Variants in KALRN observed in about 807,000 individuals in gnomAD.
KALRN encodes kalirin.
A neutral mutation model predicts 353.7 loss-of-function variants in KALRN; 70 were observed. The ratio of observed to expected loss-of-function variants is 0.20; its 90% CI spans 0.16 to 0.24. The LOEUF is 0.24. Ranked by LOEUF, KALRN falls within the 10% of genes least tolerant of loss-of-function variation. KALRN has a pLI of 1.00. For synonymous variants in KALRN, 1,391 were observed against 1,434.8 expected, an observed-to-expected ratio of 0.97 and a Z score of 0.69; for missense variants, 2,791 against 3,756.7, an observed-to-expected ratio of 0.74 and a Z score of 6.72.
chr3:124,482,667 C>G, intron 27 of KALRN, 141 bp from the exon 28 acceptor site: 1 of 623,906 alleles, frequency 1.6e-6, no homozygotes, highest in Non-Finnish European at 2.9e-6. Context: ...CTCCCCTCTC[C>G]CTATGAAAGA....
Position 124,347,182 on chromosome 3 carries a change from A to T in KALRN, c.1687A>T (p.Ser563Cys). 6.2e-7 allele frequency: 1 copy of T among 1,613,954 alleles called. No individual in the cohort carries two copies. The highest frequency in any genetic ancestry group is 2.2e-5 in the East Asian group (1 of 44,852). Residue 563 changes from serine to cysteine, a missense_variant, in exon 10 of 60, where the codon AGC (serine) becomes TGC (cysteine). By Grantham distance (112) the Ser-to-Cys change is moderately radical (BLOSUM62 -1). Around this residue, in one of 11 missense-constraint regions of KALRN, gnomAD observed 15 missense variants for 54.6 expected, o/e 0.27. Transcript: ENST00000682506. ...WIENHGEAFL[S>C]KHTGVGKSLH... ...TGAAAACCATGGTGAGGCCTTTCTCAGCAAACACACTGGAGTTGGGAAGTC... is the reference window on the plus strand; with the variant it reads ...TGAAAACCATGGTGAGGCCTTTCTCTGCAAACACACTGGAGTTGGGAAGTC...
intron 1 of KALRN, among the ~76,000 whole-genome samples, chr3:124,159,080 T>C (rs1333382417): frequency 6.6e-6 from 1 of 152,110 alleles, no homozygotes; most frequent in Non-Finnish European, 1.5e-5. Context: ...TCTAGTCAGA[T>C]GGGGTCTTCT....
chr3:124,033,797 C>G lies in KALRN; in HGVS notation c.57C>G (p.Asp19Glu), dbSNP rs544117857. 1.1e-4 allele frequency among the ~76,000 whole-genome samples: 17 copies of G among 152,288 alleles called. No homozygotes were observed. The highest frequency in any genetic ancestry group is 8.3e-4 in the South Asian group (4 of 4,828). Residue 19 changes from aspartate (D) to glutamate (E), a missense_variant, in exon 1 of 60, where the codon GAC (aspartate) becomes GAG (glutamate). Coordinates refer to ENST00000682506, the MANE Select transcript of KALRN (RefSeq NM_001388419.1). This position sits in a 1 kb window ranked among gnomAD's most constrained non-coding sequence, Gnocchi z 6.2. ...EEGGAADSDV[D>E]AFFRTGSFRN... ...GAGGAGCAGCAGACTCGGACGTGGA[C>G]GCCTTTTTCCGGACAGGTAAGCCGG...
At chr3:124,079,373 GAA>G (rs2060422169) in intron 1 of KALRN, among the ~76,000 whole-genome samples, 1 of 152,214 alleles carries the variant, frequency 6.6e-6, no homozygotes, top group Non-Finnish European at 1.5e-5. Context: ...GAAAGATTAT[GAA>G]TGATACTTAC....
chr3:124,338,668 T>C (rs573862026), intron 9 of KALRN, among the ~76,000 whole-genome samples: 25 of 152,338 alleles, frequency 1.6e-4, no homozygotes, highest in African/African-American at 4.8e-4. Context: ...GGTCCAGAGC[T>C]GAGTTCAAGT....
chr3:124,505,034 C>T (rs370176980), intron 33 of KALRN: 20 of 469,924 alleles, frequency 4.3e-5, no homozygotes, highest in East Asian at 2.8e-4. Flanking sequence ...GAGAGCAAAG[C>T]TTGGAGCCTG....
At chr3:124,305,707 T>C (rs372782825) in intron 6 of KALRN, among the ~76,000 whole-genome samples, 1 of 136,748 alleles carries the variant, frequency 7.3e-6, no homozygotes, top group East Asian at 2.3e-4. Context: ...AGTGGGAATA[T>C]TTCAATAATC....
intron 3 of KALRN, among the ~76,000 whole-genome samples, chr3:124,240,602 C>G (rs532102050): frequency 6.6e-6 from 1 of 152,154 alleles, no homozygotes; most frequent in African/African-American, 2.4e-5. Flanking sequence ...TGACCCCACT[C>G]TCTTCCCATT....
intron 23 of KALRN, among the ~76,000 whole-genome samples, chr3:124,461,113 A>G (rs866036466): frequency 6.6e-6 from 1 of 152,378 alleles, no homozygotes; most frequent in East Asian, 1.9e-4. Context: ...CATATGGTCT[A>G]TAAACTAAAA....
chr3:124,656,840 G>T (rs1217815252), intron 39 of KALRN, among the ~76,000 whole-genome samples: 3 of 152,044 alleles, frequency 2.0e-5, no homozygotes, highest in African/African-American at 7.2e-5. Flanking sequence ...TTGTGGGGCT[G>T]GGGGGTGGAA....
chr3:124,328,969 TG>T (rs1311739980), intron 7 of KALRN, among the ~76,000 whole-genome samples: 1 of 152,236 alleles, frequency 6.6e-6, no homozygotes, highest in Non-Finnish European at 1.5e-5. Flanking sequence ...TGTCCTCATA[TG>T]GGCTGTTCTT....
Position 124,679,740 on chromosome 3 carries a change from T to C in KALRN, c.7377+223T>C, listed in dbSNP as rs1178675517. ...GATTTTTTTAAAAAACAAAAACTTG[T>C]TATCTTGAATGCTTGCTAAATATTT... is the stretch of plus-strand genomic sequence containing the variant. On this transcript the variant is annotated intron_variant, in intron 51 of 59. Transcript: ENST00000682506. 3 of 615,910 alleles carry C rather than the reference T, an allele frequency of 4.9e-6. No individual in the cohort carries two copies. In the African/African-American group the frequency reaches 5.5e-5, roughly 11 times the overall value. 38.2% of individuals were successfully genotyped at this position (615,910 alleles called of 1,614,324 possible).
intron 1 of KALRN, among the ~76,000 whole-genome samples, chr3:124,062,698 G>GA (rs1228011736): frequency 7.2e-5 from 11 of 152,256 alleles, no homozygotes; most frequent in African/African-American, 2.6e-4. Flanking sequence ...TGGTGCCTTA[G>GA]AAAAATGGAG....
At chr3:124,664,374 C>CGT (rs1219470582) in intron 45 of KALRN, among the ~76,000 whole-genome samples, 3 of 137,640 alleles carry the variant, frequency 2.2e-5, no homozygotes, top group Non-Finnish European at 4.5e-5. Flanking sequence ...TGTGTGTGCG[C>CGT]GCGCGCGCAT....
chr3:124,064,154 C>T (rs2042174136), intron 1 of KALRN, among the ~76,000 whole-genome samples: 1 of 152,078 alleles, frequency 6.6e-6, no homozygotes, highest in Admixed American at 6.5e-5. Flanking sequence ...GCAGGGGAGA[C>T]AACCAAGAAG....
intron 11 of KALRN, among the ~76,000 whole-genome samples, chr3:124,385,378 C>T (rs1011668944): frequency 6.6e-6 from 1 of 152,204 alleles, no homozygotes; most frequent in African/African-American, 2.4e-5. Context: ...CACAGACTCT[C>T]TTCCCACTAC....
At chr3:124,269,669 G>A (rs1192018772) in intron 5 of KALRN, among the ~76,000 whole-genome samples, 1 of 152,160 alleles carries the variant, frequency 6.6e-6, no homozygotes, top group African/African-American at 2.4e-5. Context: ...AAACAGTACT[G>A]TTAACAGCCA....
intron 2 of KALRN, among the ~76,000 whole-genome samples, chr3:124,228,891 C>T (rs1168087696): frequency 3.3e-5 from 5 of 150,898 alleles, no homozygotes; most frequent in Non-Finnish European, 7.5e-5. Context: ...GCTGACATTC[C>T]TTGGCTTGTG....
chr3:124,439,131 TTCTCTCTCTTTCTCTTTCTCTC>T (rs2093578815), intron 18 of KALRN, 94 bp downstream of exon 18: 8 of 1,239,140 alleles, frequency 6.5e-6, no homozygotes, highest in Non-Finnish European at 7.8e-6. Context: ...TTCTTTCTCT[TTCTCTCTCTTTCTCTTTCTCTC>T]TCTTTCTCTT....
Sources: allele counts gnomAD v4.1 joint callset (sites outside exome capture counted in the v4.1 genomes callset), GRCh38; gene constraint gnomAD v4.1.1; regional missense constraint gnomAD v4.1.1; non-coding constraint Gnocchi (gnomAD v3.1); transcripts MANE v1.5; gene names NCBI Gene and HGNC (gene_info 2026-07-23, HGNC 2026-07-21).